Variants in SF3B3 observed in about 807,000 individuals in gnomAD.
The protein encoded by SF3B3 is SAP 130.
SF3B3 carries 33 observed loss-of-function variants against 139.2 expected under a neutral mutation model. That is an observed-to-expected ratio of 0.24 (90% CI 0.18 to 0.32). The LOEUF (loss-of-function observed/expected upper bound fraction) is 0.32. Among genes scored for constraint, SF3B3 ranks in the 10% least tolerant of loss-of-function variants. The pLI, the probability that SF3B3 is intolerant of heterozygous loss-of-function variation, is 1.00. For missense variants in SF3B3, 818 were observed against 1,509.4 expected (o/e 0.54, Z 7.59); for synonymous variants, 596 against 563.6 (o/e 1.06, Z -0.81).
At chr16:70,531,914 G>A (rs552890110) in intron 4 of SF3B3, among the ~76,000 whole-genome samples, 4 of 152,206 alleles carry the variant, frequency 2.6e-5, no homozygotes, top group Non-Finnish European at 5.9e-5. Flanking sequence ...AAACTATTTG[G>A]CGTCAGCCAG....
chr16:70,525,134 A>G lies in SF3B3; in HGVS notation c.-71+1206A>G, dbSNP rs548233058. 488 of 151,778 alleles carry G rather than the reference A, an allele frequency of 3.2e-3. 3 individuals carry two copies. The highest frequency in any genetic ancestry group is 2.3e-3 in the Non-Finnish European group (155 of 68,016). The allele number at this position is 151,778 out of a possible 1,614,324, so 9.4% of individuals were successfully genotyped here. Reference sequence around the variant, plus strand: ...AGCCTCCTCCTCCTTGGTTCTAGCTATTCTCACGCCTCAGCTTCCCGAGTA... The same window carrying G: ...AGCCTCCTCCTCCTTGGTTCTAGCTGTTCTCACGCCTCAGCTTCCCGAGTA... On this transcript the variant is annotated intron_variant, in intron 1 of 25. Coordinates refer to ENST00000302516, the MANE Select transcript of SF3B3 (RefSeq NM_012426.5).
rs2050345396 is a variant in SF3B3 at position 70,553,271 on chromosome 16, T to A, written c.1403-1175T>A. On this transcript the variant is annotated intron_variant, in intron 11 of 25. Coordinates refer to ENST00000302516, the MANE Select transcript of SF3B3 (RefSeq NM_012426.5). ...CTGCTTCTGTAAAGAATGCTGATTCTGCAGAACTGATCTAGTAACCTTAAT... is the reference window on the plus strand; with the variant it reads ...CTGCTTCTGTAAAGAATGCTGATTCAGCAGAACTGATCTAGTAACCTTAAT... Among the ~76,000 whole-genome samples the A allele has an allele frequency of 1.3e-5, 2 of 152,172 alleles. 1 individual carries two copies. The highest frequency in any genetic ancestry group is 4.1e-4 in the South Asian group (2 of 4,834).
intron 1 of SF3B3, among the ~76,000 whole-genome samples, chr16:70,525,979 A>AAAAT (rs1567406763): frequency 6.8e-6 from 1 of 147,408 alleles, no homozygotes; most frequent in African/African-American, 2.6e-5. Flanking sequence ...AAAAAAAAAA[A>AAAAT]AGGAAAAAAA....
intron 1 of SF3B3, 168 bp downstream of exon 1, chr16:70,524,096 G>C (rs369381177): frequency 1.5e-5 from 6 of 388,550 alleles, no homozygotes; most frequent in African/African-American, 1.2e-4. Context: ...GCTTCCTGCA[G>C]TTATCTCTCG....
intron 4 of SF3B3, among the ~76,000 whole-genome samples, chr16:70,531,788 A>T (rs1361509109): frequency 1.3e-5 from 2 of 152,240 alleles, no homozygotes; most frequent in Non-Finnish European, 2.9e-5. Context: ...AGAACATACT[A>T]TTGTTTTCCT....
rs1312859566 is a variant in SF3B3, at chr16:70,568,330, A to G, written c.3000A>G (p.Val1000=). Residue 1000 remains valine, a synonymous_variant, in exon 22 of 26, where the codon GTA becomes GTG. Coordinates refer to ENST00000302516, the MANE Select transcript of SF3B3 (RefSeq NM_012426.5). Reference sequence around the variant, plus strand: ...GGATCCAGACTATCGGACATAGGGTAATTGTATCTGATGTCCAAGAAAGTT... The same window carrying G: ...GGATCCAGACTATCGGACATAGGGTGATTGTATCTGATGTCCAAGAAAGTT... ...ISGIQTIGHR[V]IVSDVQESFI... 2 of 1,613,458 alleles carry G rather than the reference A, an allele frequency of 1.2e-6. No individual in the cohort carries two copies. The highest frequency in any genetic ancestry group is 2.2e-5 in the East Asian group (1 of 44,896).
At chr16:70,565,336 G>C in intron 19 of SF3B3, 32 bp from the exon 20 acceptor site, 2 of 1,613,790 alleles carry the variant, frequency 1.2e-6, no homozygotes, top group Non-Finnish European at 1.7e-6. Context: ...TTTTGACTAA[G>C]GCCTTACTCT....
At chr16:70,535,512 G>C (rs2050157981) in intron 6 of SF3B3, 92 bp downstream of exon 6, 1 of 642,014 alleles carries the variant, frequency 1.6e-6, no homozygotes, top group Non-Finnish European at 2.5e-6. Context: ...TAGTTTTTTT[G>C]TAAATTAAAA....
At chr16:70,541,963 G>A (rs569296361) in intron 9 of SF3B3, 129 bp downstream of exon 9, 26 of 791,592 alleles carry the variant, frequency 3.3e-5, no homozygotes, top group South Asian at 2.4e-4. Context: ...AGAAGTTTGA[G>A]CACAAAAAAC....
intron 20 of SF3B3, among the ~76,000 whole-genome samples, 162 bp from the exon 21 acceptor site, chr16:70,567,249 G>A (rs1045182085): frequency 5.3e-5 from 8 of 152,122 alleles, no homozygotes; most frequent in Admixed American, 3.3e-4. Context: ...TGCAGCATGC[G>A]GAACTTGTTC....
At chr16:70,527,952 T>A (rs543173361) in intron 2 of SF3B3, among the ~76,000 whole-genome samples, 39 of 152,044 alleles carry the variant, frequency 2.6e-4, no homozygotes, top group African/African-American at 8.9e-4. Flanking sequence ...ATTTTTCATA[T>A]TTTTAGTAGA....
At chr16:70,528,162 CTTTTTTT>C (rs760087242) in intron 2 of SF3B3, among the ~76,000 whole-genome samples, 4 of 122,338 alleles carry the variant, frequency 3.3e-5, no homozygotes, top group Non-Finnish European at 5.3e-5. Context: ...GAGAAGTTTT[CTTTTTTT>C]TTTTTTTTTT....
In SF3B3 at chr16:70,572,181, G is replaced by A. The variant is rs2050535777; in HGVS notation, c.*368G>A. 2.2e-6 allele frequency: 1 copy of A among 464,110 alleles called. No individual in the cohort carries two copies. Among genetic ancestry groups the A allele is most frequent in the African/African-American group, 2.0e-5 (1 of 50,508 alleles). 28.7% of individuals were successfully genotyped at this position (464,110 alleles called of 1,614,324 possible). Reference sequence around the variant, plus strand: ...TCTTGTAAATACAGTTTTGTACAATGTTATCTCTGTGGGAGGAAGGAGGCA... The same window carrying A: ...TCTTGTAAATACAGTTTTGTACAATATTATCTCTGTGGGAGGAAGGAGGCA... On this transcript the variant is annotated 3_prime_UTR_variant, in exon 26 of 26. Coordinates refer to ENST00000302516, the MANE Select transcript of SF3B3 (RefSeq NM_012426.5).
chr16:70,571,217 G>A lies in SF3B3; in HGVS notation c.3513+18G>A, dbSNP rs2050525986. 2 of 1,534,744 alleles carry A rather than the reference G, an allele frequency of 1.3e-6. No individual in the cohort carries two copies. Among genetic ancestry groups the A allele is most frequent in the Non-Finnish European group, 1.8e-6 (2 of 1,107,526 alleles). ...CTGTGAAGGTAGGTTGGGGGAATCTGAGCTGAAAAGGGAGATCTGAGAAAG... is the reference window on the plus strand; with the variant it reads ...CTGTGAAGGTAGGTTGGGGGAATCTAAGCTGAAAAGGGAGATCTGAGAAAG... On this transcript the variant is annotated intron_variant, in intron 25 of 25. Transcript: ENST00000302516.
chr16:70,555,535 G>A (rs1009259161), intron 13 of SF3B3, among the ~76,000 whole-genome samples: 9 of 150,906 alleles, frequency 6.0e-5, no homozygotes, highest in African/African-American at 1.7e-4. Context: ...AAACCAGTTT[G>A]GTCCCTTACA....
chr16:70,568,010 A>G (rs1055940341), intron 21 of SF3B3, among the ~76,000 whole-genome samples: 2 of 152,198 alleles, frequency 1.3e-5, no homozygotes, highest in African/African-American at 4.8e-5. Flanking sequence ...GAGCAGGAGT[A>G]GAGGGATCTC....
At chr16:70,552,343 CTG>C (rs1236885510) in intron 11 of SF3B3, among the ~76,000 whole-genome samples, 3 of 152,174 alleles carry the variant, frequency 2.0e-5, no homozygotes, top group Non-Finnish European at 2.9e-5. Flanking sequence ...AATTAAACAA[CTG>C]TTATTTTTAC....
At position 70,577,089 on chromosome 16, in the gene SF3B3, C is replaced by G. The variant is rs2050587762; in HGVS notation, c.*5276C>G. On this transcript the variant is annotated 3_prime_UTR_variant, in exon 26 of 26. Coordinates refer to ENST00000302516, the MANE Select transcript of SF3B3 (RefSeq NM_012426.5). ...GCTGCAGTGAGCTGTGATTGCGCCA[C>G]TACACTCCAGCCTGGATGACAGGAC... 1 of 152,320 alleles carries G rather than the reference C, an allele frequency of 6.6e-6. No individual in the cohort carries two copies. Among genetic ancestry groups the G allele is most frequent in the Non-Finnish European group, 1.5e-5 (1 of 68,178 alleles). The allele number at this position is 152,320 out of a possible 1,614,324, so 9.4% of individuals were successfully genotyped here. A position where few individuals can be genotyped will look rare whatever the true frequency, so the allele number is the denominator to read the frequency against.
rs2050511133 is a variant in SF3B3, at chr16:70,569,809, G to A, written c.3265-197G>A. The A allele has an allele frequency of 1.6e-5, 9 of 563,666 alleles. No individual in the cohort carries two copies. The East Asian group carries it at 2.9e-4, about 18-fold the overall frequency. 34.9% of individuals were successfully genotyped at this position (563,666 alleles called of 1,614,324 possible). On this transcript the variant is annotated intron_variant, in intron 23 of 25. Transcript: ENST00000302516. The stretch of plus-strand genomic sequence containing the variant: ...AAACCTGGCAGATTTTGTGGGTATG[G>A]GTATACGAGACCTCACTGTGTTGCC...
Sources: allele counts gnomAD v4.1 joint callset (sites outside exome capture counted in the v4.1 genomes callset), GRCh38; gene constraint gnomAD v4.1.1; transcripts MANE v1.5; gene names NCBI Gene and HGNC (gene_info 2026-07-23, HGNC 2026-07-21).